Variants in SDHAF4 observed in about 807,000 individuals in gnomAD.
SDHAF4 encodes succinate dehydrogenase assembly factor 4, mitochondrial.
SDHAF4 carries 14 observed loss-of-function variants against 14.3 expected under a neutral mutation model. The observed-to-expected ratio is 0.98, with a 90% CI of 0.65 to 1.53. The LOEUF is 1.53. SDHAF4 is among the 40% of genes most tolerant of loss of function. SDHAF4 has a pLI of 0.00. For missense variants in SDHAF4, 141 were observed against 129.3 expected, an observed-to-expected ratio of 1.09 and a Z score of -0.44; for synonymous variants, 63 against 47.3, an observed-to-expected ratio of 1.33 and a Z score of -1.36.
chr6:70,578,313 A>T (rs944142463), intron 1 of SDHAF4, among the ~76,000 whole-genome samples: 8 of 152,278 alleles, frequency 5.3e-5, no homozygotes, highest in African/African-American at 1.9e-4. Flanking sequence ...ATTTGCATTT[A>T]TCTACCAATT....
At chr6:70,569,625 A>G (rs186353081) in intron 1 of SDHAF4, among the ~76,000 whole-genome samples, 35 of 152,362 alleles carry the variant, frequency 2.3e-4, no homozygotes, top group African/African-American at 8.2e-4. Context: ...GTAAGTGTCA[A>G]ATACCTCAAT....
At chr6:70,571,899 G>T (rs912707889) in intron 1 of SDHAF4, among the ~76,000 whole-genome samples, 47 of 151,652 alleles carry the variant, frequency 3.1e-4, no homozygotes, top group Admixed American at 2.0e-4. Context: ...ATTTTGTATT[G>T]TTTCAATATA....
At chr6:70,570,775 A>AT (rs1275851523) in intron 1 of SDHAF4, among the ~76,000 whole-genome samples, 2 of 151,382 alleles carry the variant, frequency 1.3e-5, no homozygotes, top group South Asian at 2.1e-4. Context: ...AAATTGCTAC[A>AT]TTTTTTTTTA....
chr6:70,596,790 T>G, the SDHAF4 span: 1 of 152,196 alleles, frequency 6.6e-6, no homozygotes, highest in Non-Finnish European at 1.5e-5. Context: ...TCAAAATATA[T>G]ATATTACCTA....
chr6:70,582,119 T>C (rs552440279), intron 2 of SDHAF4, among the ~76,000 whole-genome samples: 6 of 152,304 alleles, frequency 3.9e-5, no homozygotes, highest in Admixed American at 3.3e-4. Context: ...TCACCCAGGC[T>C]GAAGTGCAGT....
intron 2 of SDHAF4, among the ~76,000 whole-genome samples, chr6:70,586,402 T>G (rs909151849): frequency 6.6e-6 from 1 of 151,800 alleles, no homozygotes; most frequent in African/African-American, 2.4e-5. Context: ...TGCCAGAGTT[T>G]GTTATTCTTG....
chr6:70,574,336 A>G (rs956468579), intron 1 of SDHAF4, among the ~76,000 whole-genome samples: 2 of 151,906 alleles, frequency 1.3e-5, no homozygotes, highest in African/African-American at 4.8e-5. Context: ...AAAGAAAAAA[A>G]AAAAAGATGC....
chr6:70,585,975 G>A (rs781003357), intron 2 of SDHAF4, among the ~76,000 whole-genome samples: 5 of 152,130 alleles, frequency 3.3e-5, no homozygotes, highest in Admixed American at 1.3e-4. Context: ...TCTTTTGTCA[G>A]TTGATTTTTG....
At chr6:70,574,339 A>G (rs1252198621) in intron 1 of SDHAF4, among the ~76,000 whole-genome samples, 1 of 151,920 alleles carries the variant, frequency 6.6e-6, no homozygotes, top group African/African-American at 2.4e-5. Context: ...GAAAAAAAAA[A>G]AAGATGCTTA....
intron 1 of SDHAF4, among the ~76,000 whole-genome samples, chr6:70,571,087 G>A (rs1295742823): frequency 6.6e-6 from 1 of 151,680 alleles, no homozygotes; most frequent in Non-Finnish European, 1.5e-5. Flanking sequence ...GTAGAGTTTT[G>A]GGATTTTGTT....
At position 70,574,217 on chromosome 6, in the gene SDHAF4, G is replaced by C. The variant is rs188278208; in HGVS notation, c.65-5197G>C. On this transcript the variant is annotated intron_variant, in intron 1 of 2. Transcript: ENST00000370474. ...ATGCCTGTAATCCCAGCTATTGGGA[G>C]GCTGAGGCAGGAGAATCGCTTGATC... Among the ~76,000 whole-genome samples, 110 of 152,160 alleles carry C rather than the reference G, an allele frequency of 7.2e-4. 2 individuals are homozygous for C. The East Asian group carries it at 0.021, about 29-fold the overall frequency.
At chr6:70,594,026 G>A (rs1009368134), downstream of SDHAF4, among the ~76,000 whole-genome samples, 5 of 152,028 alleles carry the variant, frequency 3.3e-5, no homozygotes, top group South Asian at 2.1e-4. Context: ...TCCCTGCTGG[G>A]TTTCTGACTT....
intron 1 of SDHAF4, among the ~76,000 whole-genome samples, chr6:70,568,275 C>T (rs1445502294): frequency 6.6e-6 from 1 of 151,932 alleles, no homozygotes; most frequent in East Asian, 1.9e-4. Flanking sequence ...ATGAATTATT[C>T]CATATATATA....
chr6:70,585,519 C>T (rs1251457078), intron 2 of SDHAF4, among the ~76,000 whole-genome samples: 10 of 152,306 alleles, frequency 6.6e-5, no homozygotes, highest in African/African-American at 2.4e-4. Context: ...GCCTACCAGC[C>T]TCCAGAGCTG....
chr6:70,579,286 CCTTTTGTA>C, intron 1 of SDHAF4, 120 bp from the exon 2 acceptor site: 1 of 725,200 alleles, frequency 1.4e-6, no homozygotes, highest in South Asian at 5.5e-5. Context: ...CACTCTGCGT[CCTTTTGTA>C]CTTTTTGAAC....
In SDHAF4 at chr6:70,579,586, T is replaced by C. The variant is rs1354549122; in HGVS notation, c.217+20T>C. On this transcript the variant is annotated intron_variant, in intron 2 of 2. Coordinates refer to ENST00000370474, the MANE Select transcript of SDHAF4 (RefSeq NM_145267.3). ...TGGAAAGTAAGTATAATAAAGCACCTCTCAGTTTTTGAAGTATCAAGGAAA... is the reference window on the plus strand; with the variant it reads ...TGGAAAGTAAGTATAATAAAGCACCCCTCAGTTTTTGAAGTATCAAGGAAA... 4 of 1,551,848 alleles carry C rather than the reference T, an allele frequency of 2.6e-6. No individual in the cohort carries two copies. The highest frequency in any genetic ancestry group is 2.3e-5 in the East Asian group (1 of 42,602).
intron 1 of SDHAF4, among the ~76,000 whole-genome samples, chr6:70,576,453 A>G (rs904566360): frequency 6.6e-6 from 1 of 152,178 alleles, no homozygotes; most frequent in African/African-American, 2.4e-5. Flanking sequence ...CCCAAGACAC[A>G]GTTTTCTGTT....
intron 2 of SDHAF4, among the ~76,000 whole-genome samples, chr6:70,582,466 CTGAG>C (rs769593764): frequency 1.5e-4 from 23 of 152,300 alleles, no homozygotes; most frequent in Non-Finnish European, 2.5e-4. Flanking sequence ...CATTTGCCTC[CTGAG>C]TATCTTTCTT....
At chr6:70,575,810 A>G (rs1430058586) in intron 1 of SDHAF4, among the ~76,000 whole-genome samples, 1 of 152,066 alleles carries the variant, frequency 6.6e-6, no homozygotes, top group Non-Finnish European at 1.5e-5. Flanking sequence ...ATGTAAACAC[A>G]ATTCTAAATA....
Sources: allele counts gnomAD v4.1 joint callset (sites outside exome capture counted in the v4.1 genomes callset), GRCh38; gene constraint gnomAD v4.1.1; transcripts MANE v1.5; gene names NCBI Gene and HGNC (gene_info 2026-07-23, HGNC 2026-07-21).